The following CNTNAP5 variants were observed in gnomAD, a reference collection of about 807,000 sequenced individuals.
CNTNAP5 encodes contactin associated protein family member 5.
In CNTNAP5, 72 loss-of-function variants were observed where a neutral mutation model predicts 150.2. That is an observed-to-expected ratio of 0.48 (90% confidence interval 0.40 to 0.58). The LOEUF (loss-of-function observed/expected upper bound fraction) is 0.58. CNTNAP5 is among the 20% of genes least tolerant of loss of function. The pLI is 0.00. For synonymous variants in CNTNAP5, 672 were observed against 619.8 expected (o/e 1.08, Z -1.25); for missense variants, 1,636 against 1,626.2 (o/e 1.01, Z -0.10).
chr2:124,431,677 TATAA>T (rs903173162), intron 4 of CNTNAP5, among the ~76,000 whole-genome samples: 12 of 127,512 alleles, frequency 9.4e-5, no homozygotes, highest in African/African-American at 2.0e-4. Context: ...TTTATATAAA[TATAA>T]ATAAATTTTA....
intron 1 of CNTNAP5, among the ~76,000 whole-genome samples, chr2:124,079,647 G>T (rs1682515407): frequency 6.6e-6 from 1 of 152,152 alleles, no homozygotes; most frequent in South Asian, 2.1e-4. Context: ...TATCAGAAGT[G>T]TGTGGTTTCT....
chr2:124,903,335 A>C (rs1016799803), intron 22 of CNTNAP5, among the ~76,000 whole-genome samples: 3 of 152,102 alleles, frequency 2.0e-5, no homozygotes, highest in Admixed American at 1.3e-4. Flanking sequence ...TACTTTGCTT[A>C]TTATGCACGT....
chr2:124,295,176 G>A (rs1317599155), intron 3 of CNTNAP5, among the ~76,000 whole-genome samples: 2 of 149,610 alleles, frequency 1.3e-5, no homozygotes, highest in East Asian at 3.9e-4. Flanking sequence ...GAAGAGGAGA[G>A]CTTGCACATG....
intron 3 of CNTNAP5, among the ~76,000 whole-genome samples, chr2:124,347,828 AT>A (rs11431857): frequency 2.7e-3 from 394 of 146,040 alleles, no homozygotes; most frequent in Admixed American, 6.4e-3. Context: ...CTCCTTGACA[AT>A]TTTTTTTTTT....
chr2:124,709,435 A>G (rs1679761251), intron 13 of CNTNAP5, among the ~76,000 whole-genome samples: 1 of 152,152 alleles, frequency 6.6e-6, no homozygotes, highest in African/African-American at 2.4e-5. Flanking sequence ...AGTCTTACAT[A>G]AATATAGAAT....
intron 1 of CNTNAP5, among the ~76,000 whole-genome samples, chr2:124,160,196 T>C (rs538622269): frequency 6.6e-6 from 1 of 152,178 alleles, no homozygotes; most frequent in East Asian, 1.9e-4. Context: ...ACAATGATAG[T>C]TAAAGTTTCA....
intron 1 of CNTNAP5, among the ~76,000 whole-genome samples, chr2:124,092,134 G>C (rs537237457): frequency 5.9e-5 from 9 of 152,082 alleles, no homozygotes; most frequent in Non-Finnish European, 1.2e-4. Context: ...CTTTAGAACT[G>C]TCCTGTTACA....
At chr2:124,351,998 G>T (rs1689883919) in intron 3 of CNTNAP5, among the ~76,000 whole-genome samples, 1 of 152,080 alleles carries the variant, frequency 6.6e-6, no homozygotes. Flanking sequence ...TGGCAGTAGG[G>T]GAAGGATTCC....
At chr2:124,654,126 G>A (rs763741638) in intron 13 of CNTNAP5, among the ~76,000 whole-genome samples, 11 of 152,114 alleles carry the variant, frequency 7.2e-5, no homozygotes, top group Non-Finnish European at 1.2e-4. Context: ...AAGATTCCAG[G>A]CTGAAGAATA....
chr2:124,627,250 G>A (rs1466333179), intron 12 of CNTNAP5, among the ~76,000 whole-genome samples: 4 of 152,112 alleles, frequency 2.6e-5, no homozygotes, highest in Admixed American at 6.5e-5. Flanking sequence ...CTTCTCAAGC[G>A]GATCCCTGAC....
intron 7 of CNTNAP5, among the ~76,000 whole-genome samples, chr2:124,481,586 G>A (rs1423198567): frequency 6.6e-6 from 1 of 151,814 alleles, no homozygotes; most frequent in Non-Finnish European, 1.5e-5. Context: ...ATCTATTATA[G>A]GTATTTCATT....
rs536650689 is a variant in CNTNAP5 at position 124,701,860 on chromosome 2, G to A, written c.2078-45369G>A. On this transcript the variant is annotated intron_variant, in intron 13 of 23. Coordinates refer to ENST00000682447, the MANE Select transcript of CNTNAP5 (RefSeq NM_001367498.1). ...ACATGTTTTTGCCCATATTTTAATT[G>A]AGTTATTTGTTTTTTCTTTTACTTT... Among the ~76,000 whole-genome samples, 11 of 151,972 alleles carry A rather than the reference G, an allele frequency of 7.2e-5. No individual in the cohort carries two copies. The East Asian group carries it at 1.9e-3, about 27-fold the overall frequency.
At chr2:124,130,643 G>A (rs964622321) in intron 1 of CNTNAP5, among the ~76,000 whole-genome samples, 1 of 152,042 alleles carries the variant, frequency 6.6e-6, no homozygotes, top group African/African-American at 2.4e-5. Flanking sequence ...AGTTTCACTG[G>A]TGGCGACAGC....
intron 3 of CNTNAP5, among the ~76,000 whole-genome samples, chr2:124,300,103 T>G (rs138105307): frequency 6.6e-6 from 1 of 152,332 alleles, no homozygotes; most frequent in East Asian, 1.9e-4. Context: ...TTCACATCCA[T>G]GATTTAATAT....
rs562463058 is a variant in CNTNAP5 at position 124,692,588 on chromosome 2, G to A, written c.2077+44630G>A. Among the ~76,000 whole-genome samples, 11 of 152,224 alleles carry A rather than the reference G, an allele frequency of 7.2e-5. No homozygotes were observed. In the East Asian group the frequency reaches 2.1e-3, roughly 29 times the overall value. ...AGATGTCACAAGTGATATGAGGTCA[G>A]GCCTTAATGTGCATGCACTGATGAG... On this transcript the variant is annotated intron_variant, in intron 13 of 23. Coordinates refer to ENST00000682447, the MANE Select transcript of CNTNAP5 (RefSeq NM_001367498.1).
intron 19 of CNTNAP5, among the ~76,000 whole-genome samples, chr2:124,836,020 A>G (rs552365092): frequency 5.3e-5 from 8 of 152,256 alleles, no homozygotes; most frequent in African/African-American, 1.9e-4. Flanking sequence ...GGAGATGGGC[A>G]TGCTATTAGT....
At chr2:124,516,019 G>A (rs908227790) in intron 8 of CNTNAP5, among the ~76,000 whole-genome samples, 1 of 152,138 alleles carries the variant, frequency 6.6e-6, no homozygotes, top group Admixed American at 6.5e-5. Flanking sequence ...GCTGGGAAAA[G>A]AGGGGGACCA....
chr2:124,905,038 C>CAAAAAAAAAAAAA (rs55882801), intron 22 of CNTNAP5, among the ~76,000 whole-genome samples: 9 of 50,528 alleles, frequency 1.8e-4, no homozygotes, highest in African/African-American at 2.2e-4. Context: ...AACTCAATAG[C>CAAAAAAAAAAAAA]AAAAAAAAAA....
chr2:124,474,929 G>A, intron 7 of CNTNAP5, 47 bp downstream of exon 7: 1 of 1,539,510 alleles, frequency 6.5e-7, no homozygotes, highest in Non-Finnish European at 8.8e-7. Context: ...ACCACTTTGG[G>A]GTAAGTCTTG....
Sources: gnomAD v4.1 joint callset for allele counts (sites outside exome capture counted in the v4.1 genomes callset) on GRCh38, gnomAD v4.1.1 for gene constraint, MANE v1.5 for transcripts, NCBI Gene and HGNC (gene_info 2026-07-23, HGNC 2026-07-21) for gene names.